ATP9B: variants seen among roughly 807,000 people sequenced by gnomAD.
ATP9B encodes probable phospholipid-transporting ATPase IIB.
In ATP9B, 110 loss-of-function variants were observed where a neutral mutation model predicts 146.1. That is an observed-to-expected ratio of 0.75 (90% CI 0.65 to 0.88). The LOEUF is 0.88. Among genes scored for constraint, ATP9B ranks in the 40% least tolerant of loss-of-function variants. The pLI is 0.00. For missense variants in ATP9B, 1,499 were observed against 1,496.4 expected (o/e 1.00, Z -0.03); for synonymous variants, 604 against 569.7 (o/e 1.06, Z -0.86).
chr18:79,304,307 G>T (rs754522039), intron 14 of ATP9B, among the ~76,000 whole-genome samples: 1 of 152,050 alleles, frequency 6.6e-6, no homozygotes, highest in Non-Finnish European at 1.5e-5. Flanking sequence ...TCTGCCTTTC[G>T]TTGGGGCCAA....
intron 15 of ATP9B, among the ~76,000 whole-genome samples, chr18:79,316,491 A>G (rs2096680814): frequency 6.6e-6 from 1 of 152,146 alleles, no homozygotes; most frequent in African/African-American, 2.4e-5. Flanking sequence ...CAGTCCAACC[A>G]AAGACTGCAA....
intron 13 of ATP9B, among the ~76,000 whole-genome samples, chr18:79,295,202 G>A (rs2096539342): frequency 6.6e-6 from 1 of 152,088 alleles, no homozygotes; most frequent in Admixed American, 6.6e-5. Flanking sequence ...ATTATTACCA[G>A]GAAAGTGGAA....
chr18:79,109,171 A>G (rs896327572), intron 2 of ATP9B, among the ~76,000 whole-genome samples: 2 of 152,226 alleles, frequency 1.3e-5, no homozygotes, highest in Non-Finnish European at 2.9e-5. Flanking sequence ...CCTTGAATAC[A>G]ATTAGAAGGT....
intron 11 of ATP9B, among the ~76,000 whole-genome samples, chr18:79,236,151 T>A (rs1482687444): frequency 6.6e-6 from 1 of 152,230 alleles, no homozygotes. Context: ...TCCACACTTG[T>A]AGTGTCTATC....
At chr18:79,291,908 G>T (rs1037556310) in intron 13 of ATP9B, among the ~76,000 whole-genome samples, 4 of 151,960 alleles carry the variant, frequency 2.6e-5, no homozygotes, top group African/African-American at 4.8e-5. Context: ...CCCTTCCATC[G>T]CCCGTGCCCC....
chr18:79,226,977 G>A (rs576656187), intron 11 of ATP9B, among the ~76,000 whole-genome samples: 1 of 152,188 alleles, frequency 6.6e-6, no homozygotes, highest in South Asian at 2.1e-4. Flanking sequence ...CATATACTAG[G>A]CACTGACTGA....
At chr18:79,279,243 G>A (rs2096350182) in intron 13 of ATP9B, among the ~76,000 whole-genome samples, 3 of 152,152 alleles carry the variant, frequency 2.0e-5, no homozygotes, top group Non-Finnish European at 2.9e-5. Context: ...AACGTGGAGA[G>A]GCTTTTGGGG....
chr18:79,125,615 T>C (rs1000644959), intron 4 of ATP9B, among the ~76,000 whole-genome samples: 1 of 152,204 alleles, frequency 6.6e-6, no homozygotes, highest in African/African-American at 2.4e-5. Flanking sequence ...TCAGAAAATA[T>C]ATATGCAGCC....
At chr18:79,107,687 G>C (rs1474870607) in intron 2 of ATP9B, among the ~76,000 whole-genome samples, 1 of 152,154 alleles carries the variant, frequency 6.6e-6, no homozygotes, top group Non-Finnish European at 1.5e-5. Flanking sequence ...ATTGTGTTTT[G>C]TTGCCTGCTC....
In ATP9B at chr18:79,299,297, C is replaced by T. The variant is rs150518227; in HGVS notation, c.1412-4307C>T. Among the ~76,000 whole-genome samples the T allele has an allele frequency of 7.9e-5, 12 of 152,258 alleles. No homozygotes were observed. In the East Asian group the frequency reaches 2.3e-3, roughly 29 times the overall value. On this transcript the variant is annotated intron_variant, in intron 13 of 29. Transcript: ENST00000426216. ...TGATGGGACCTAGAGAGCTCCTCAC[C>T]CCCTCCTCCCTCTCCAGCCCTTCTC...
chr18:79,274,712 T>A (rs2096289103), intron 12 of ATP9B, among the ~76,000 whole-genome samples: 1 of 152,234 alleles, frequency 6.6e-6, no homozygotes. Flanking sequence ...AGCTGTAAAC[T>A]TGCATCCTGC....
At chr18:79,245,971 C>CTG (rs751543227) in intron 11 of ATP9B, among the ~76,000 whole-genome samples, 772 of 100,956 alleles carry the variant, frequency 7.6e-3, no homozygotes, top group African/African-American at 0.01. Context: ...ACCCTACTGA[C>CTG]TGCGGAGGGC....
At chr18:79,188,225 A>T (rs1443944038) in intron 8 of ATP9B, among the ~76,000 whole-genome samples, 1 of 152,232 alleles carries the variant, frequency 6.6e-6, no homozygotes, top group African/African-American at 2.4e-5. Context: ...CAACCTAAAT[A>T]AAACAAGCTA....
chr18:79,283,362 A>G (rs1473470178), intron 13 of ATP9B, among the ~76,000 whole-genome samples: 1 of 152,160 alleles, frequency 6.6e-6, no homozygotes, highest in African/African-American at 2.4e-5. Context: ...AGTGATGGAG[A>G]GTGAACTGCT....
chr18:79,076,764 T>C (rs1428691690), intron 1 of ATP9B, among the ~76,000 whole-genome samples: 1 of 152,178 alleles, frequency 6.6e-6, no homozygotes, highest in Non-Finnish European at 1.5e-5. Flanking sequence ...GTCCCTTCTT[T>C]TACCCTGGTG....
intron 12 of ATP9B, among the ~76,000 whole-genome samples, chr18:79,260,018 C>T (rs2096124074): frequency 6.6e-6 from 1 of 152,078 alleles, no homozygotes; most frequent in Admixed American, 6.6e-5. Context: ...GGGAGATTCA[C>T]TGTTTGGAAA....
intron 5 of ATP9B, among the ~76,000 whole-genome samples, chr18:79,139,875 GTT>G (rs2094493248): frequency 6.6e-6 from 1 of 152,080 alleles, no homozygotes; most frequent in African/African-American, 2.4e-5. Context: ...GTCTCCATGA[GTT>G]TAATTTACTA....
At chr18:79,152,266 A>G (rs1268306920) in intron 6 of ATP9B, among the ~76,000 whole-genome samples, 3 of 152,216 alleles carry the variant, frequency 2.0e-5, no homozygotes, top group Non-Finnish European at 2.9e-5. Flanking sequence ...GCATATTTCT[A>G]TGAAGTCTAA....
At chr18:79,238,239 CTT>C (rs57427830) in intron 11 of ATP9B, among the ~76,000 whole-genome samples, 31 of 140,402 alleles carry the variant, frequency 2.2e-4, no homozygotes, top group Non-Finnish European at 1.9e-4. Context: ...ATAAGTGATC[CTT>C]TTTTTTTTTT....
Sources: allele counts gnomAD v4.1 joint callset (sites outside exome capture counted in the v4.1 genomes callset), GRCh38; gene constraint gnomAD v4.1.1; transcripts MANE v1.5; gene names NCBI Gene and HGNC (gene_info 2026-07-23, HGNC 2026-07-21).